NLN: variants seen among roughly 807,000 people sequenced by gnomAD.
NLN encodes the protein neurolysin.
A neutral mutation model predicts 79.9 loss-of-function variants in NLN; 64 were observed. That is an observed-to-expected ratio of 0.80 (90% CI 0.65 to 0.99). The LOEUF (loss-of-function observed/expected upper bound fraction) is 0.99. NLN is among the 50% of genes least tolerant of loss of function. The pLI is 0.00. For missense variants in NLN, 835 were observed against 858.7 expected (o/e 0.97, Z 0.34); for synonymous variants, 267 against 296.6 (o/e 0.90, Z 1.02).
At chr5:65,812,978 C>A (rs570931819) in intron 12 of NLN, among the ~76,000 whole-genome samples, 1 of 152,366 alleles carries the variant, frequency 6.6e-6, no homozygotes, top group East Asian at 1.9e-4. Context: ...AATCTCCATT[C>A]TCATTGAAGT....
At chr5:65,789,090 A>C (rs72768034) in intron 8 of NLN, among the ~76,000 whole-genome samples, 37 of 152,276 alleles carry the variant, frequency 2.4e-4, no homozygotes, top group Admixed American at 5.9e-4. Flanking sequence ...CTATTATCAC[A>C]CTGCTGCATT....
intron 1 of NLN, among the ~76,000 whole-genome samples, chr5:65,724,121 G>A (rs1758399393): frequency 8.7e-6 from 1 of 114,506 alleles, no homozygotes. Flanking sequence ...TTAAAATTGT[G>A]GTAAGATATA....
intron 1 of NLN, among the ~76,000 whole-genome samples, chr5:65,750,009 CCT>C (rs1411114918): frequency 6.6e-6 from 1 of 152,172 alleles, no homozygotes; most frequent in East Asian, 1.9e-4. Context: ...GTTCTCCCTT[CCT>C]CTGTTTCTCT....
At chr5:65,749,973 G>A (rs1484250018) in intron 1 of NLN, among the ~76,000 whole-genome samples, 1 of 152,174 alleles carries the variant, frequency 6.6e-6, no homozygotes, top group African/African-American at 2.4e-5. Context: ...TAACACTCCT[G>A]CACACATGAG....
chr5:65,743,649 T>C lies in NLN; in HGVS notation c.42-14918T>C, dbSNP rs1042778812. Among the ~76,000 whole-genome samples, 4 of 152,218 alleles carry C rather than the reference T, an allele frequency of 2.6e-5. No individual in the cohort carries two copies. The South Asian group carries it at 6.2e-4, about 24-fold the overall frequency. On this transcript the variant is annotated intron_variant, in intron 1 of 12. Coordinates refer to ENST00000380985, the MANE Select transcript of NLN (RefSeq NM_020726.5). Reference sequence around the variant, plus strand: ...GAGATGGAGAAGAAACTCATAGTTATGGAAAACAGAAAAGAATGGCCCCAG... The same window carrying C: ...GAGATGGAGAAGAAACTCATAGTTACGGAAAACAGAAAAGAATGGCCCCAG...
At chr5:65,806,093 A>AT (rs1339125533) in intron 9 of NLN, among the ~76,000 whole-genome samples, 1 of 152,198 alleles carries the variant, frequency 6.6e-6, no homozygotes, top group African/African-American at 2.4e-5. Context: ...CAAAAAAAAA[A>AT]GATTCCTTTC....
chr5:65,726,532 C>T (rs1011492682), intron 1 of NLN, among the ~76,000 whole-genome samples: 1 of 152,154 alleles, frequency 6.6e-6, no homozygotes, highest in Non-Finnish European at 1.5e-5. Context: ...GATTTTTAAC[C>T]TCACAGATTC....
At chr5:65,729,755 C>G (rs1758566282) in intron 1 of NLN, among the ~76,000 whole-genome samples, 1 of 152,200 alleles carries the variant, frequency 6.6e-6, no homozygotes, top group Admixed American at 6.5e-5. Flanking sequence ...CAGAGTTAAA[C>G]ATTATCACCT....
rs114602590 is a variant in NLN, at chr5:65,805,843, A to G, written c.1528-3672A>G. On this transcript the variant is annotated intron_variant, in intron 9 of 12. Transcript: ENST00000380985. ...TTTCAGGAATGCTAGAGAGATGTCA[A>G]TGCCTGGCTTGAAAGCTTCAAGGGA... Among the ~76,000 whole-genome samples, 1,446 of 152,364 alleles carry G rather than the reference A, an allele frequency of 9.5e-3. 18 individuals carry two copies. The highest frequency in any genetic ancestry group is 0.032 in the African/African-American group (1,345 of 41,578).
chr5:65,749,852 C>A, intron 1 of NLN, among the ~76,000 whole-genome samples: 1 of 152,188 alleles, frequency 6.6e-6, no homozygotes, highest in Non-Finnish European at 1.5e-5. Context: ...TATCAATACC[C>A]TTGGCCCTGC....
At chr5:65,816,485 A>T (rs1157550538) in intron 12 of NLN, among the ~76,000 whole-genome samples, 2 of 152,056 alleles carry the variant, frequency 1.3e-5, no homozygotes, top group Non-Finnish European at 2.9e-5. Flanking sequence ...CCCATGTGAC[A>T]CAAGTTTACC....
At chr5:65,724,063 C>T (rs1469011204) in intron 1 of NLN, among the ~76,000 whole-genome samples, 1 of 149,212 alleles carries the variant, frequency 6.7e-6, no homozygotes, top group Non-Finnish European at 1.5e-5. Context: ...ACCCCCCCGC[C>T]CCCCAATCAG....
chr5:65,780,260 G>A lies in NLN; in HGVS notation c.640G>A (p.Val214Ile). 7.0e-7 allele frequency: 1 copy of A among 1,431,496 alleles called. No individual in the cohort carries two copies. The highest frequency in any genetic ancestry group is 1.9e-5 in the Admixed American group (1 of 52,686). The allele number at this position is 1,431,496 out of a possible 1,614,324, so 88.7% of individuals were successfully genotyped here. A position where few individuals can be genotyped will look rare whatever the true frequency, so the allele number is the denominator to read the frequency against. The change falls in exon 5 of 13, where the codon GTA (valine) becomes ATA (isoleucine). Residue 214 changes from valine (V) to isoleucine (I), a missense_variant. By Grantham distance (29) the Val-to-Ile change is conservative (BLOSUM62 3). Coordinates refer to ENST00000380985, the MANE Select transcript of NLN (RefSeq NM_020726.5). ...KNLNEDDTFLVFSKAELGALP... is the reference protein window; with the variant it reads ...KNLNEDDTFLIFSKAELGALP... ...CCTCAATGAGGATGATACCTTCCTT[G>A]TATTTTCCAAGGCTGAACTTGGTAA...
At chr5:65,816,535 T>TA (rs572354124) in intron 12 of NLN, among the ~76,000 whole-genome samples, 90 of 136,988 alleles carry the variant, frequency 6.6e-4, no homozygotes, top group East Asian at 3.8e-3. Flanking sequence ...ACGTAAAAGT[T>TA]AAAAAAAAAA....
chr5:65,810,156 G>A lies in NLN; in HGVS notation c.1834G>A (p.Ala612Thr), dbSNP rs572571317. ...KYCSEILGVA[A>T]TPGTNMPATF... ...CTGCTCAGAAATATTAGGAGTTGCA[G>A]CTACTCCAGGTATGTAACTACTATG... The change falls in exon 11 of 13, where the codon GCT becomes ACT. Residue 612 changes from alanine (A) to threonine (T), a missense_variant. Ala to Thr is a moderately conservative substitution (Grantham distance 58). Transcript: ENST00000380985. 6.2e-7 allele frequency: 1 copy of A among 1,613,860 alleles called. No individual in the cohort carries two copies. The highest frequency in any genetic ancestry group is 1.1e-5 in the South Asian group (1 of 91,068).
chr5:65,740,184 G>A (rs1416586879), intron 1 of NLN, among the ~76,000 whole-genome samples: 4 of 152,098 alleles, frequency 2.6e-5, no homozygotes, highest in African/African-American at 7.2e-5. Flanking sequence ...TATTATTTAC[G>A]GTTCTGGAAG....
intron 12 of NLN, among the ~76,000 whole-genome samples, chr5:65,819,879 A>C (rs1012173002): frequency 1.1e-4 from 16 of 152,216 alleles, no homozygotes; most frequent in African/African-American, 3.4e-4. Context: ...TCCTGTTACC[A>C]AAATGACTCT....
chr5:65,813,823 G>A (rs935120492), intron 12 of NLN, among the ~76,000 whole-genome samples: 1 of 151,980 alleles, frequency 6.6e-6, no homozygotes, highest in Non-Finnish European at 1.5e-5. Context: ...AGCTACTCTG[G>A]AAGCTGAGAT....
chr5:65,733,380 T>C, intron 1 of NLN: 5 of 1,511,148 alleles, frequency 3.3e-6, no homozygotes, highest in Non-Finnish European at 4.5e-6. Context: ...CACCTTCTAC[T>C]TTCATGGAAA....
Sources: allele counts gnomAD v4.1 joint callset (sites outside exome capture counted in the v4.1 genomes callset), GRCh38; gene constraint gnomAD v4.1.1; transcripts MANE v1.5; gene names NCBI Gene and HGNC (gene_info 2026-07-23, HGNC 2026-07-21).